The following UTP6 variants were observed in gnomAD, a reference collection of about 807,000 sequenced individuals.
UTP6 encodes UTP6 small subunit processome component.
A neutral mutation model predicts 96.5 loss-of-function variants in UTP6; 60 were observed. The ratio of observed to expected loss-of-function variants is 0.62; its 90% CI spans 0.51 to 0.77. The LOEUF (loss-of-function observed/expected upper bound fraction) is 0.77. UTP6 is among the 30% of genes least tolerant of loss of function. The pLI is 0.00. For synonymous variants in UTP6, 215 were observed against 240.1 expected (o/e 0.90, Z 0.96); for missense variants, 637 against 706.5 (o/e 0.90, Z 1.12).
chr17:31,880,598 T>G lies in UTP6; in HGVS notation c.942A>C (p.Glu314Asp). Residue 314 changes from glutamate (E) to aspartate (D), a missense_variant, in exon 11 of 19, where the codon GAA (glutamate) becomes GAC (aspartate). Glu to Asp is a conservative substitution (Grantham distance 45). Coordinates refer to ENST00000261708, the MANE Select transcript of UTP6 (RefSeq NM_018428.3). ...CTGTTGGCAGAGTCTTCACTGCCTC[T>G]TCATACACAGCACAGCACCTCTCCT... ...RKEERCCAVY[E>D]EAVKTLPTEA... The G allele has an allele frequency of 6.2e-7, 1 of 1,614,152 alleles. No homozygotes were observed. The highest frequency in any genetic ancestry group is 8.5e-7 in the Non-Finnish European group (1 of 1,180,028).
At chr17:31,876,271 A>G (rs1368401673) in intron 13 of UTP6, among the ~76,000 whole-genome samples, 4 of 151,602 alleles carry the variant, frequency 2.6e-5, no homozygotes, top group Admixed American at 2.6e-4. Context: ...TCCTGACCTC[A>G]GATGATCCAC....
chr17:31,880,345 C>T (rs1285320117), intron 11 of UTP6: 12 of 463,140 alleles, frequency 2.6e-5, no homozygotes, highest in South Asian at 1.1e-4. Context: ...TGCTTGAACC[C>T]GGGAGGTGGA....
rs1206064780 is a variant in UTP6, at chr17:31,879,152, G to A, written c.968-371C>T. Among the ~76,000 whole-genome samples, 11 of 152,210 alleles carry A rather than the reference G, an allele frequency of 7.2e-5. No individual in the cohort carries two copies. The East Asian group carries it at 2.1e-3, about 29-fold the overall frequency. ...CATCTGTAATCCCATCACTTTGGGA[G>A]GCTGAGGCAGGCTGATCACCTGAAG... On this transcript the variant is annotated intron_variant, in intron 11 of 18. Coordinates refer to ENST00000261708, the MANE Select transcript of UTP6 (RefSeq NM_018428.3).
intron 13 of UTP6, among the ~76,000 whole-genome samples, chr17:31,876,347 TA>T (rs1910502986): frequency 6.9e-6 from 1 of 145,786 alleles, no homozygotes; most frequent in Non-Finnish European, 1.5e-5. Context: ...TATAAGTTTT[TA>T]ATAAAACAGT....
chr17:31,881,305 C>T (rs1289205054), intron 10 of UTP6, among the ~76,000 whole-genome samples: 1 of 149,080 alleles, frequency 6.7e-6, no homozygotes, highest in African/African-American at 2.5e-5. Context: ...ATCTCATTGC[C>T]ACCAAGGCTG....
intron 10 of UTP6, among the ~76,000 whole-genome samples, chr17:31,884,161 A>G (rs1050349079): frequency 1.3e-5 from 2 of 151,536 alleles, no homozygotes; most frequent in African/African-American, 4.9e-5. Context: ...ACCACGCCCA[A>G]CTAATTTTGT....
chr17:31,891,248 T>C (rs1448308386), intron 6 of UTP6, among the ~76,000 whole-genome samples: 1 of 152,110 alleles, frequency 6.6e-6, no homozygotes, highest in African/African-American at 2.4e-5. Context: ...GAGCATGACC[T>C]TTCTAGGATC....
At chr17:31,890,009 A>G (rs577872392) in intron 6 of UTP6, among the ~76,000 whole-genome samples, 3 of 152,174 alleles carry the variant, frequency 2.0e-5, no homozygotes, top group African/African-American at 7.2e-5. Flanking sequence ...TGTAAGTCAC[A>G]TACAATTTTT....
At chr17:31,889,853 A>G (rs1911385284) in intron 6 of UTP6, among the ~76,000 whole-genome samples, 1 of 152,120 alleles carries the variant, frequency 6.6e-6, no homozygotes, top group Admixed American at 6.6e-5. Context: ...GTTCGGACAG[A>G]CAGTTTCTAA....
intron 6 of UTP6, among the ~76,000 whole-genome samples, chr17:31,890,015 T>A (rs1355535053): frequency 1.3e-5 from 2 of 151,886 alleles, no homozygotes; most frequent in African/African-American, 4.8e-5. Context: ...TCACATACAA[T>A]TTTTTTCTTT....
At chr17:31,871,754 G>A (rs1567778756) in intron 16 of UTP6, among the ~76,000 whole-genome samples, 1 of 151,856 alleles carries the variant, frequency 6.6e-6, no homozygotes, top group African/African-American at 2.4e-5. Flanking sequence ...TTACCTGGGT[G>A]TGGTGGCACA....
intron 14 of UTP6, chr17:31,874,041 A>G (rs1418799092): frequency 6.1e-6 from 2 of 326,258 alleles, no homozygotes; most frequent in Non-Finnish European, 1.1e-5. Context: ...TCAGAGCAAC[A>G]CTCTTCTGTG....
At chr17:31,875,468 T>G in intron 13 of UTP6, 55 bp from the exon 14 acceptor site, 1 of 1,578,606 alleles carries the variant, frequency 6.3e-7, no homozygotes, top group South Asian at 1.1e-5. Flanking sequence ...AAACAATCTA[T>G]GTAAATGTAA....
At chr17:31,865,684 G>C (rs1909771456) in intron 17 of UTP6, among the ~76,000 whole-genome samples, 1 of 152,294 alleles carries the variant, frequency 6.6e-6, no homozygotes, top group Non-Finnish European at 1.5e-5. Flanking sequence ...GAAAAAAGTG[G>C]GGGACATGGG....
Position 31,860,919 on chromosome 17 carries a change from A to G in UTP6, c.*2440T>C, listed in dbSNP as rs1441776476. 1 of 152,150 alleles carries G rather than the reference A, an allele frequency of 6.6e-6. No individual in the cohort carries two copies. Among genetic ancestry groups the G allele is most frequent in the East Asian group, 1.9e-4 (1 of 5,204 alleles). 9.4% of individuals were successfully genotyped at this position (152,150 alleles called of 1,614,324 possible). A position where few individuals can be genotyped will look rare whatever the true frequency, so the allele number is the denominator to read the frequency against. On this transcript the variant is annotated 3_prime_UTR_variant, in exon 19 of 19. Coordinates refer to ENST00000261708, the MANE Select transcript of UTP6 (RefSeq NM_018428.3). ...TAGACTCTAATACTCATAGAAATTT[A>G]ATATATAATAAAGGTAACATCACAA...
chr17:31,891,466 C>A (rs1911487879), intron 6 of UTP6, among the ~76,000 whole-genome samples: 1 of 152,168 alleles, frequency 6.6e-6, no homozygotes, highest in Non-Finnish European at 1.5e-5. Flanking sequence ...CTATTTGAGT[C>A]TTGTGTGGTA....
At position 31,877,949 on chromosome 17, in the gene UTP6, A is replaced by G. The variant is rs1245284294; in HGVS notation, c.1125+301T>C. On this transcript the variant is annotated intron_variant, in intron 13 of 18. Coordinates refer to ENST00000261708, the MANE Select transcript of UTP6 (RefSeq NM_018428.3). ...GCCACTGTGCTCCAGCCTGGGCAAC[A>G]GAGTGAAACTCCGTCTCAAAAAAAA... is the stretch of plus-strand genomic sequence containing the variant. Among the ~76,000 whole-genome samples the G allele has an allele frequency of 2.0e-5, 3 of 150,768 alleles. No homozygotes were observed. The East Asian group carries it at 5.8e-4, about 29-fold the overall frequency.
intron 17 of UTP6, 148 bp downstream of exon 17, chr17:31,867,898 A>T: frequency 1.7e-6 from 1 of 579,334 alleles, no homozygotes. Flanking sequence ...TGGAGGTTGC[A>T]GTGAGCCAAG....
intron 17 of UTP6, among the ~76,000 whole-genome samples, chr17:31,867,675 G>C (rs534072481): frequency 6.6e-6 from 1 of 151,484 alleles, no homozygotes; most frequent in African/African-American, 2.4e-5. Context: ...AAACACTCCC[G>C]GGCCAGGCAC....
Sources: allele counts gnomAD v4.1 joint callset (sites outside exome capture counted in the v4.1 genomes callset), GRCh38; gene constraint gnomAD v4.1.1; transcripts MANE v1.5; gene names NCBI Gene and HGNC (gene_info 2026-07-23, HGNC 2026-07-21).